Variants in MBNL1 observed in about 807,000 individuals in gnomAD.
MBNL1 encodes muscleblind like splicing regulator 1, also known as muscleblind-like protein 1.
Under a neutral mutation model 42.2 loss-of-function variants are expected in MBNL1, and 8 were observed. That is an observed-to-expected ratio of 0.19 (90% confidence interval 0.11 to 0.34). MBNL1 has a LOEUF of 0.34. Ranked by LOEUF, MBNL1 falls within the 10% of genes least tolerant of loss-of-function variation. The pLI, the probability that MBNL1 is intolerant of heterozygous loss-of-function variation, is 1.00. For missense variants in MBNL1, 309 were observed against 495.3 expected (o/e 0.62, Z 3.57); for synonymous variants, 169 against 173.9 (o/e 0.97, Z 0.22).
At chr3:152,395,288 C>T (rs911809460) in intron 2 of MBNL1, among the ~76,000 whole-genome samples, 1 of 152,168 alleles carries the variant, frequency 6.6e-6, no homozygotes, top group African/African-American at 2.4e-5. Context: ...TCAAGGTTAA[C>T]GGAGTGACTA....
intron 3 of MBNL1, among the ~76,000 whole-genome samples, chr3:152,431,885 T>C (rs1219524531): frequency 6.6e-6 from 1 of 152,238 alleles, no homozygotes. Flanking sequence ...TTTTATGATA[T>C]GCAAGTTTGC....
At chr3:152,447,231 C>T (rs2153858780) in intron 5 of MBNL1, among the ~76,000 whole-genome samples, 1 of 152,288 alleles carries the variant, frequency 6.6e-6, no homozygotes, top group East Asian at 1.9e-4. Flanking sequence ...TTCAGTCACT[C>T]TGTACAATTA....
At chr3:152,269,581 G>A (rs1340323169) in intron 1 of MBNL1, 1 of 447,124 alleles carries the variant, frequency 2.2e-6, no homozygotes, top group South Asian at 1.6e-5. Context: ...TTAATTCTCT[G>A]CTTGCTACCC....
At chr3:152,388,613 G>A (rs749821859) in intron 2 of MBNL1, among the ~76,000 whole-genome samples, 12 of 152,110 alleles carry the variant, frequency 7.9e-5, no homozygotes, top group South Asian at 2.1e-4. Flanking sequence ...TAAAGTTTCC[G>A]ACTTTGAGGA....
At chr3:152,333,900 A>G (rs1389994278) in intron 2 of MBNL1, among the ~76,000 whole-genome samples, 1 of 152,224 alleles carries the variant, frequency 6.6e-6, no homozygotes, top group Non-Finnish European at 1.5e-5. Context: ...CTGGAACTGT[A>G]TAATCTTCAT....
intron 1 of MBNL1, among the ~76,000 whole-genome samples, chr3:152,290,956 T>C (rs146764955): frequency 1.3e-5 from 2 of 152,288 alleles, no homozygotes; most frequent in Non-Finnish European, 2.9e-5. Flanking sequence ...TTTCTACCAT[T>C]TAGCTCTTGA....
intron 2 of MBNL1, among the ~76,000 whole-genome samples, chr3:152,411,229 A>G (rs907528294): frequency 1.3e-5 from 2 of 152,196 alleles, no homozygotes; most frequent in Admixed American, 1.3e-4. Flanking sequence ...GTACCTATCA[A>G]AACTGAAGAT....
chr3:152,385,629 T>G lies in MBNL1; in HGVS notation c.175-29312T>G, dbSNP rs1201864897. Among the ~76,000 whole-genome samples the G allele has an allele frequency of 2.0e-5, 3 of 152,082 alleles. 1 individual carries two copies. The Middle Eastern group carries it at 9.5e-3, about 481-fold the overall frequency. On this transcript the variant is annotated intron_variant, in intron 2 of 9. Coordinates refer to ENST00000324210, the MANE Select transcript of MBNL1 (RefSeq NM_021038.5). The stretch of plus-strand genomic sequence containing the variant: ...TTTAAATTTCATAAGTCATAGGATC[T>G]TTTCATTTTATGCATAATAAATCAA...
chr3:152,265,256 G>C (rs1276756525), upstream of MBNL1: 3 of 152,140 alleles, frequency 2.0e-5, no homozygotes, highest in Non-Finnish European at 4.4e-5. Flanking sequence ...GGAAGCACAG[G>C]ACATGAGACT....
intron 1 of MBNL1, among the ~76,000 whole-genome samples, chr3:152,293,422 A>G (rs1467516637): frequency 6.6e-6 from 1 of 152,244 alleles, no homozygotes; most frequent in Non-Finnish European, 1.5e-5. Context: ...GTATATGGAA[A>G]TCTCTGTTAA....
chr3:152,454,134 A>G (rs1457064403), intron 6 of MBNL1, among the ~76,000 whole-genome samples: 3 of 152,192 alleles, frequency 2.0e-5, no homozygotes, highest in South Asian at 4.1e-4. Context: ...GTAGTAGCAA[A>G]TGACAGAGAT....
intron 1 of MBNL1, among the ~76,000 whole-genome samples, chr3:152,292,160 G>A (rs143328495): frequency 3.2e-3 from 486 of 152,296 alleles, no homozygotes; most frequent in African/African-American, 0.011. Context: ...GAGCTAGTAT[G>A]CAAAGTGCAG....
rs1300600571 is a variant in MBNL1, at chr3:152,408,031, C to T, written c.175-6910C>T. Among the ~76,000 whole-genome samples, 3 of 152,068 alleles carry T rather than the reference C, an allele frequency of 2.0e-5. No individual in the cohort carries two copies. In the East Asian group the frequency reaches 5.8e-4, roughly 29 times the overall value. On this transcript the variant is annotated intron_variant, in intron 2 of 9. Coordinates refer to ENST00000324210, the MANE Select transcript of MBNL1 (RefSeq NM_021038.5). The stretch of plus-strand genomic sequence containing the variant: ...TGGGATAGCAGTAGGAAAAATAGTG[C>T]ATGCTGGGGTTAATACCTAGGTGAT...
chr3:152,253,101 T>A (rs2034906454), intron 2 of MBNL1, among the ~76,000 whole-genome samples: 1 of 152,134 alleles, frequency 6.6e-6, no homozygotes, highest in South Asian at 2.1e-4. Flanking sequence ...TTCTACCAAT[T>A]TCTGGGCTCA....
intron 1 of MBNL1, among the ~76,000 whole-genome samples, chr3:152,287,734 A>G (rs934397944): frequency 6.6e-6 from 1 of 152,192 alleles, no homozygotes; most frequent in Non-Finnish European, 1.5e-5. Flanking sequence ...GCTAGCTACG[A>G]TTGCATTCTG....
At chr3:152,290,577 A>G (rs2055338887) in intron 1 of MBNL1, among the ~76,000 whole-genome samples, 1 of 152,096 alleles carries the variant, frequency 6.6e-6, no homozygotes, top group Admixed American at 6.5e-5. Context: ...TTGTGCAATA[A>G]TGTCATTAGG....
intron 1 of MBNL1, among the ~76,000 whole-genome samples, chr3:152,290,060 A>G (rs2054980869): frequency 1.3e-5 from 2 of 152,066 alleles, no homozygotes; most frequent in Admixed American, 1.3e-4. Flanking sequence ...TAGTTAAATC[A>G]CATATTTTGG....
chr3:152,455,514 C>A, intron 6 of MBNL1, 28 bp from the exon 7 acceptor site: 1 of 1,603,088 alleles, frequency 6.2e-7, no homozygotes, highest in Non-Finnish European at 8.5e-7. Context: ...TTCAAATCCA[C>A]CTTCCTGTTG....
At chr3:152,460,739 AT>A (rs1187424794) in intron 9 of MBNL1, among the ~76,000 whole-genome samples, 1 of 152,084 alleles carries the variant, frequency 6.6e-6, no homozygotes, top group African/African-American at 2.4e-5. Context: ...GATGCTTGTT[AT>A]TTATTTTTAT....
Sources: allele counts gnomAD v4.1 joint callset (sites outside exome capture counted in the v4.1 genomes callset), GRCh38; gene constraint gnomAD v4.1.1; transcripts MANE v1.5; gene names NCBI Gene and HGNC (gene_info 2026-07-23, HGNC 2026-07-21).